Variants in IRF2 observed in about 807,000 individuals in gnomAD.
IRF2 encodes the protein interferon regulatory factor 2.
Under a neutral mutation model 40.6 loss-of-function variants are expected in IRF2, and 15 were observed. The ratio of observed to expected loss-of-function variants is 0.37; its 90% CI spans 0.25 to 0.57. The LOEUF (loss-of-function observed/expected upper bound fraction) is 0.57, where lower values mean the gene tolerates loss of function less well. Among genes scored for constraint, IRF2 ranks in the 20% least tolerant of loss-of-function variants. The pLI, the probability that IRF2 is intolerant of heterozygous loss-of-function variation, is 0.77. For synonymous variants in IRF2, 151 were observed against 165.5 expected (o/e 0.91, Z 0.67); for missense variants, 317 against 455.7 (o/e 0.70, Z 2.77).
At chr4:184,470,691 A>G (rs78240236) in intron 1 of IRF2, among the ~76,000 whole-genome samples, 1 of 29,824 alleles carries the variant, frequency 3.4e-5, no homozygotes, top group South Asian at 1.3e-3. Context: ...CTCTGCCTCA[A>G]AAAAAAAAAA....
chr4:184,429,412 A>C (rs1262360419), intron 1 of IRF2, among the ~76,000 whole-genome samples: 3 of 152,184 alleles, frequency 2.0e-5, no homozygotes, highest in African/African-American at 7.2e-5. Context: ...TCCGTTGCTC[A>C]GAGGCCCCAA....
At chr4:184,406,214 C>G (rs1736848567) in intron 6 of IRF2, among the ~76,000 whole-genome samples, 1 of 151,374 alleles carries the variant, frequency 6.6e-6, no homozygotes, top group Non-Finnish European at 1.5e-5. Context: ...TAAAGACTCA[C>G]CCAGAGCTAC....
rs560842646 is a variant in IRF2, at chr4:184,465,400, T to G, written c.-7+8979A>C. ...GAGGGCAGAGATGACATATTAGCACTCTCTTGAGAATATTTTTCTGGTTAA... is the reference window on the plus strand; with the variant it reads ...GAGGGCAGAGATGACATATTAGCACGCTCTTGAGAATATTTTTCTGGTTAA... On this transcript the variant is annotated intron_variant, in intron 1 of 8. Coordinates refer to ENST00000393593, the MANE Select transcript of IRF2 (RefSeq NM_002199.4). 3.3e-5 allele frequency among the ~76,000 whole-genome samples: 5 copies of G among 152,254 alleles called. No individual in the cohort carries two copies. In the East Asian group the frequency reaches 9.6e-4, roughly 29 times the overall value.
intron 1 of IRF2, among the ~76,000 whole-genome samples, chr4:184,441,698 T>C (rs1738317019): frequency 6.6e-6 from 1 of 152,144 alleles, no homozygotes; most frequent in East Asian, 1.9e-4. Context: ...ACCATGAGGG[T>C]ATTAACAATA....
intron 1 of IRF2, among the ~76,000 whole-genome samples, chr4:184,450,077 T>G (rs959137929): frequency 6.6e-6 from 1 of 152,194 alleles, no homozygotes; most frequent in African/African-American, 2.4e-5. Flanking sequence ...GTTAGCAAGA[T>G]AATGCGGTAC....
intron 7 of IRF2, among the ~76,000 whole-genome samples, chr4:184,394,561 C>T (rs575941968): frequency 6.6e-6 from 1 of 152,200 alleles, no homozygotes; most frequent in East Asian, 1.9e-4. Flanking sequence ...CTCTGCCCAA[C>T]AAAATGCAAG....
intron 2 of IRF2, among the ~76,000 whole-genome samples, chr4:184,422,784 A>G (rs1255359711): frequency 6.6e-6 from 1 of 152,216 alleles, no homozygotes; most frequent in Non-Finnish European, 1.5e-5. Flanking sequence ...AGAGCAGATT[A>G]CTGGTTGCCA....
rs571279000 is a variant in IRF2, at chr4:184,447,771, T to C, written c.-6-18701A>G. On this transcript the variant is annotated intron_variant, in intron 1 of 8. Coordinates refer to ENST00000393593, the MANE Select transcript of IRF2 (RefSeq NM_002199.4). ...GTCAACAAGCCCAAACGGATACACA[T>C]TCTCTAAGAAAATTGCCTTGTCATT... Among the ~76,000 whole-genome samples, 9 of 152,350 alleles carry C rather than the reference T, an allele frequency of 5.9e-5. No homozygotes were observed. In the South Asian group the frequency reaches 1.9e-3, roughly 32 times the overall value.
At chr4:184,473,065 G>A (rs1228157068) in intron 1 of IRF2, among the ~76,000 whole-genome samples, 1 of 151,950 alleles carries the variant, frequency 6.6e-6, no homozygotes, top group Non-Finnish European at 1.5e-5. Flanking sequence ...CGTGCCACTG[G>A]GAGCAGGCGG....
In IRF2 at chr4:184,387,737, T is replaced by C. The variant is rs1736107449; in HGVS notation, c.*1021A>G. On this transcript the variant is annotated 3_prime_UTR_variant, in exon 9 of 9. Transcript: ENST00000393593. ...GTGATGCCCCTTAAAAATTTAACTA[T>C]ATATCATATTCATTTATTATCAATC... The C allele has an allele frequency of 1.3e-5, 2 of 152,552 alleles. 1 individual carries two copies. The highest frequency in any genetic ancestry group is 4.1e-4 in the South Asian group (2 of 4,832). The allele number at this position is 152,552 out of a possible 1,614,324, so 9.4% of individuals were successfully genotyped here. A position where few individuals can be genotyped will look rare whatever the true frequency, so the allele number is the denominator to read the frequency against.
chr4:184,442,024 C>T (rs537008247), intron 1 of IRF2, among the ~76,000 whole-genome samples: 58 of 152,260 alleles, frequency 3.8e-4, no homozygotes, highest in African/African-American at 1.2e-3. Flanking sequence ...GGCATCTGCA[C>T]TGGGAGCCTG....
chr4:184,431,217 A>G (rs1227723962), intron 1 of IRF2, among the ~76,000 whole-genome samples: 1 of 152,232 alleles, frequency 6.6e-6, no homozygotes, highest in Non-Finnish European at 1.5e-5. Context: ...GAATGGCCAC[A>G]AGGAGTTGCA....
intron 1 of IRF2, among the ~76,000 whole-genome samples, chr4:184,461,381 G>A (rs1739139114): frequency 6.6e-6 from 1 of 152,126 alleles, no homozygotes; most frequent in Non-Finnish European, 1.5e-5. Flanking sequence ...CCTACAATCT[G>A]AAACAACCCC....
chr4:184,426,522 A>G (rs968988533), intron 2 of IRF2, among the ~76,000 whole-genome samples: 4 of 152,172 alleles, frequency 2.6e-5, no homozygotes. Context: ...ATTTCATCTC[A>G]AGGTCCTTCA....
At chr4:184,469,923 C>T (rs1414988543) in intron 1 of IRF2, among the ~76,000 whole-genome samples, 3 of 152,182 alleles carry the variant, frequency 2.0e-5, no homozygotes, top group Admixed American at 6.5e-5. Context: ...ATAAAAAATA[C>T]TGTCTTCATG....
intron 6 of IRF2, among the ~76,000 whole-genome samples, chr4:184,405,102 G>T (rs1367604829): frequency 6.6e-6 from 1 of 152,174 alleles, no homozygotes; most frequent in Non-Finnish European, 1.5e-5. Context: ...AAATTACCCA[G>T]GCATGGTGGC....
intron 5 of IRF2, among the ~76,000 whole-genome samples, chr4:184,409,441 C>T (rs532527853): frequency 2.7e-4 from 41 of 152,302 alleles, no homozygotes; most frequent in African/African-American, 8.9e-4. Context: ...CTGTATAGCT[C>T]GGTTTTTAAA....
chr4:184,463,202 G>C (rs1739204562), intron 1 of IRF2, among the ~76,000 whole-genome samples: 1 of 152,228 alleles, frequency 6.6e-6, no homozygotes, highest in South Asian at 2.1e-4. Context: ...GGTTTGTGGG[G>C]AGAGCCACAG....
rs201019560 is a variant in IRF2, at chr4:184,398,034, T to C, written c.694+881A>G. Among the ~76,000 whole-genome samples the C allele has an allele frequency of 3.3e-5, 5 of 152,268 alleles. No homozygotes were observed. The South Asian group carries it at 1.0e-3, about 32-fold the overall frequency. On this transcript the variant is annotated intron_variant, in intron 7 of 8. Transcript: ENST00000393593. ...AAATGGCTCAGTCATCTGGCCTAATTAGAACCTGTACTAGATATAAAAAGA... is the reference window on the plus strand; with the variant it reads ...AAATGGCTCAGTCATCTGGCCTAATCAGAACCTGTACTAGATATAAAAAGA...
Sources: allele counts gnomAD v4.1 joint callset (sites outside exome capture counted in the v4.1 genomes callset), GRCh38; gene constraint gnomAD v4.1.1; transcripts MANE v1.5; gene names NCBI Gene and HGNC (gene_info 2026-07-23, HGNC 2026-07-21).